Variants in SLC16A1 observed in about 807,000 individuals in gnomAD.
The protein encoded by SLC16A1 is monocarboxylate transporter 1.
A neutral mutation model predicts 32.2 loss-of-function variants in SLC16A1; 11 were observed. The ratio of observed to expected loss-of-function variants is 0.34; its 90% CI spans 0.21 to 0.56. SLC16A1 has a LOEUF of 0.56. Among genes scored for constraint, SLC16A1 ranks in the 20% least tolerant of loss-of-function variants. The pLI, the probability that SLC16A1 is intolerant of heterozygous loss-of-function variation, is 0.87. For synonymous variants in SLC16A1, 231 were observed against 226.8 expected, an observed-to-expected ratio of 1.02 and a Z score of -0.17; for missense variants, 435 against 615.0, an observed-to-expected ratio of 0.71 and a Z score of 3.10.
In SLC16A1 at chr1:112,946,361, TA is replaced by T. The variant is rs922606415; in HGVS notation, c.-45+9673del. ...CCAAGGCAGGCGGATCCACTTGAGTTAAAAAAAAAAATCCCTATATCTCATC... is the reference window on the plus strand; with the variant it reads ...CCAAGGCAGGCGGATCCACTTGAGTTAAAAAAAAAATCCCTATATCTCATC... On this transcript the variant is annotated intron_variant, in intron 1 of 4. Coordinates refer to ENST00000369626, the MANE Select transcript of SLC16A1 (RefSeq NM_003051.4). Among the ~76,000 whole-genome samples the T allele has an allele frequency of 6.5e-4, 96 of 146,972 alleles. 1 individual carries two copies. Among genetic ancestry groups the T allele is most frequent in the East Asian group, 3.1e-3 (16 of 5,100 alleles).
At chr1:112,928,117 T>C (rs781622253) in intron 2 of SLC16A1, among the ~76,000 whole-genome samples, 75 of 152,150 alleles carry the variant, frequency 4.9e-4, no homozygotes, top group Non-Finnish European at 8.1e-4. Context: ...GTTCAAAATG[T>C]AAAAGGCACA....
At chr1:112,921,944 A>T (rs1241924669) in intron 3 of SLC16A1, 46 bp downstream of exon 3, 1 of 1,608,962 alleles carries the variant, frequency 6.2e-7, no homozygotes, top group South Asian at 1.1e-5. Flanking sequence ...AATACAAAAT[A>T]GCCAGCCATA....
In SLC16A1 at chr1:112,912,060, C is replaced by T. The variant is rs1202152280; in HGVS notation, c.*1831G>A. 6.6e-6 allele frequency: 1 copy of T among 152,260 alleles called. No individual in the cohort carries two copies. The highest frequency in any genetic ancestry group is 1.9e-4 in the East Asian group (1 of 5,192). The allele number at this position is 152,260 out of a possible 1,614,324, so 9.4% of individuals were successfully genotyped here. On this transcript the variant is annotated 3_prime_UTR_variant, in exon 5 of 5. Transcript: ENST00000369626. ...TTCTCCTCTAACACTCTTCCTCTAT[C>T]TGCCATGATGCCCAGGCATACAAAG...
At chr1:112,945,860 C>T (rs531763628) in intron 1 of SLC16A1, among the ~76,000 whole-genome samples, 11 of 151,846 alleles carry the variant, frequency 7.2e-5, no homozygotes, top group East Asian at 1.9e-4. Flanking sequence ...GGCATGGTGG[C>T]GCACGCCTGT....
At chr1:112,928,936 A>G (rs1649028500) in intron 2 of SLC16A1, 156 bp downstream of exon 2, 1 of 637,414 alleles carries the variant, frequency 1.6e-6, no homozygotes, top group African/African-American at 1.8e-5. Context: ...TATTGTTATC[A>G]GGAATGAAAA....
intron 2 of SLC16A1, chr1:112,923,932 A>G: frequency 6.6e-7 from 1 of 1,519,396 alleles, no homozygotes; most frequent in Admixed American, 1.7e-5. Context: ...CTGAGGTTCT[A>G]TGCCTTCAAC....
At chr1:112,914,772 AG>A (rs1198508629) in intron 4 of SLC16A1, among the ~76,000 whole-genome samples, 4 of 152,242 alleles carry the variant, frequency 2.6e-5, no homozygotes, top group Non-Finnish European at 5.9e-5. Context: ...AAACCTAGAA[AG>A]TCTGACTCGG....
chr1:112,950,089 G>T (rs1280114844), intron 1 of SLC16A1, among the ~76,000 whole-genome samples: 1 of 152,154 alleles, frequency 6.6e-6, no homozygotes, highest in African/African-American at 2.4e-5. Flanking sequence ...ATGGTTTGTT[G>T]CCTACACTCA....
chr1:112,916,928 C>CA lies in SLC16A1; in HGVS notation c.1228+249dup, dbSNP rs950704280. On this transcript the variant is annotated intron_variant, in intron 4 of 4. Transcript: ENST00000369626. Reference sequence around the variant, plus strand: ...TGGGCAACAGAGCAAGACTCCATCTCAAAAAAAAAGAAAAAACACTGACAT... The same window carrying CA: ...TGGGCAACAGAGCAAGACTCCATCTCAAAAAAAAAAGAAAAAACACTGACAT... Among the ~76,000 whole-genome samples the CA allele has an allele frequency of 1.9e-4, 29 of 150,046 alleles. No individual in the cohort carries two copies. In the South Asian group the frequency reaches 2.1e-3, roughly 11 times the overall value.
chr1:112,949,615 ACT>A (rs1649818581), intron 1 of SLC16A1, among the ~76,000 whole-genome samples: 1 of 152,158 alleles, frequency 6.6e-6, no homozygotes, highest in South Asian at 2.1e-4. Flanking sequence ...GGGTCCTTAG[ACT>A]CTGGTGCCAG....
chr1:112,922,256 TTTCTA>T (rs1225533818), intron 2 of SLC16A1, 123 bp from the exon 3 acceptor site: 1 of 897,128 alleles, frequency 1.1e-6, no homozygotes, highest in Admixed American at 2.1e-5. Flanking sequence ...AGAATATTGT[TTTCTA>T]TAATTACTTC....
chr1:112,949,788 C>T (rs1010979345), intron 1 of SLC16A1, among the ~76,000 whole-genome samples: 2 of 152,126 alleles, frequency 1.3e-5, no homozygotes, highest in Non-Finnish European at 2.9e-5. Flanking sequence ...GATCCACCCA[C>T]CTCAGCCTCC....
chr1:112,946,519 G>C (rs1305575648), intron 1 of SLC16A1, among the ~76,000 whole-genome samples: 1 of 152,104 alleles, frequency 6.6e-6, no homozygotes, highest in Non-Finnish European at 1.5e-5. Context: ...TCTCTACAGT[G>C]AAAGAAGCAG....
At chr1:112,925,174 C>T (rs1648895349) in intron 2 of SLC16A1, among the ~76,000 whole-genome samples, 2 of 152,094 alleles carry the variant, frequency 1.3e-5, no homozygotes, top group African/African-American at 4.8e-5. Context: ...ATATTTTATG[C>T]ATTTCATGTA....
chr1:112,939,187 G>A (rs369258065), intron 1 of SLC16A1, among the ~76,000 whole-genome samples: 3 of 151,878 alleles, frequency 2.0e-5, no homozygotes, highest in East Asian at 1.9e-4. Context: ...CACCGTGCCC[G>A]GCCAACGTAT....
At position 112,912,362 on chromosome 1, in the gene SLC16A1, T is replaced by G. The variant is rs542561326; in HGVS notation, c.*1529A>C. On this transcript the variant is annotated 3_prime_UTR_variant, in exon 5 of 5. Transcript: ENST00000369626. ...ACATTTGGGAGAAGAAATGTTTTCTTAAAAAATGTTTATTTGGAAAAGTCA... is the reference window on the plus strand; with the variant it reads ...ACATTTGGGAGAAGAAATGTTTTCTGAAAAAATGTTTATTTGGAAAAGTCA... 1 of 152,344 alleles carries G rather than the reference T, an allele frequency of 6.6e-6. No individual in the cohort carries two copies. The highest frequency in any genetic ancestry group is 2.1e-4 in the South Asian group (1 of 4,832). 9.4% of individuals were successfully genotyped at this position (152,344 alleles called of 1,614,324 possible).
Position 112,913,861 on chromosome 1 carries a change from C to T in SLC16A1, c.*30G>A. On this transcript the variant is annotated 3_prime_UTR_variant, in exon 5 of 5. Transcript: ENST00000369626. ...ATTTTCAGATATCCTGGGTCATGAA[C>T]TGCTCAATTTACCCTTCAGCCCCAT... 1 of 1,613,712 alleles carries T rather than the reference C, an allele frequency of 6.2e-7. No homozygotes were observed. The highest frequency in any genetic ancestry group is 8.5e-7 in the Non-Finnish European group (1 of 1,179,614).
rs1263827731 is a variant in SLC16A1 at position 112,929,236 on chromosome 1, C to A, written c.73G>T (p.Gly25Ter). 4 of 1,614,090 alleles carry A rather than the reference C, an allele frequency of 2.5e-6. No homozygotes were observed. Residue 25 changes from glycine (G) to a stop codon, truncating the protein, a stop_gained, in exon 2 of 5, where the codon GGA (glycine) becomes TGA (stop). Coordinates refer to ENST00000369626, the MANE Select transcript of SLC16A1 (RefSeq NM_003051.4). LOFTEE classifies it high-confidence loss of function. ...DGGWGWAVVI[G>*]AFISIGFSYA... ...GAGAAGCCGATGGAAATGAAAGCTC[C>A]AATTACCACTGCCCAGCCCCAGCCT... is the stretch of plus-strand genomic sequence containing the variant.
At chr1:112,954,200 G>A (rs1172285833) in intron 1 of SLC16A1, among the ~76,000 whole-genome samples, 2 of 152,096 alleles carry the variant, frequency 1.3e-5, no homozygotes. Flanking sequence ...TCTTGCATAG[G>A]AGTGAGCATT....
Sources: gnomAD v4.1 joint callset for allele counts (sites outside exome capture counted in the v4.1 genomes callset) on GRCh38, gnomAD v4.1.1 for gene constraint, MANE v1.5 for transcripts, NCBI Gene and HGNC (gene_info 2026-07-23, HGNC 2026-07-21) for gene names.